SNX29: variants seen among roughly 807,000 people sequenced by gnomAD.
SNX29 encodes sorting nexin-29.
SNX29 carries 78 observed loss-of-function variants against 102.1 expected under a neutral mutation model. The observed-to-expected ratio is 0.76, with a 90% CI of 0.64 to 0.92. The LOEUF is 0.92. SNX29 is among the 40% of genes least tolerant of loss of function. The probability of loss-of-function intolerance (pLI) is 0.00; values close to 1 mark genes in which losing one functional copy is unlikely to be tolerated. For missense variants in SNX29, 1,280 were observed against 1,061.7 expected, an observed-to-expected ratio of 1.21 and a Z score of -2.86; for synonymous variants, 580 against 414.5, an observed-to-expected ratio of 1.40 and a Z score of -4.85.
At chr16:12,469,208 G>A (rs1384121174) in intron 18 of SNX29, among the ~76,000 whole-genome samples, 1 of 152,160 alleles carries the variant, frequency 6.6e-6, no homozygotes, top group African/African-American at 2.4e-5. Flanking sequence ...ATAACCCAGT[G>A]AACTGAAAAG....
At chr16:12,344,676 G>C (rs1041134481) in intron 15 of SNX29, among the ~76,000 whole-genome samples, 4 of 152,238 alleles carry the variant, frequency 2.6e-5, no homozygotes, top group Non-Finnish European at 4.4e-5. Flanking sequence ...TACATGCTCA[G>C]TAAATGTTTG....
chr16:12,538,756 A>G (rs1048504112), intron 20 of SNX29, among the ~76,000 whole-genome samples: 1 of 152,196 alleles, frequency 6.6e-6, no homozygotes, highest in African/African-American at 2.4e-5. Context: ...TATGGGTATC[A>G]TCCAAGCTGT....
At chr16:12,246,314 C>T (rs1445710973) in intron 14 of SNX29, among the ~76,000 whole-genome samples, 2 of 152,012 alleles carry the variant, frequency 1.3e-5, no homozygotes, top group Non-Finnish European at 2.9e-5. Context: ...GGATTAAAAA[C>T]AGTGCTAATG....
At chr16:12,117,675 G>T (rs528761193) in intron 11 of SNX29, among the ~76,000 whole-genome samples, 2 of 152,334 alleles carry the variant, frequency 1.3e-5, no homozygotes, top group East Asian at 3.9e-4. Context: ...TGGTAGAAAC[G>T]TTCTAGAACT....
intron 14 of SNX29, among the ~76,000 whole-genome samples, chr16:12,272,325 A>G (rs1407724316): frequency 3.9e-5 from 6 of 152,148 alleles, no homozygotes; most frequent in Non-Finnish European, 5.9e-5. Context: ...ATGAATTGTG[A>G]TGAGCAGGAC....
chr16:12,246,538 G>A (rs188053848), intron 14 of SNX29, among the ~76,000 whole-genome samples: 53 of 152,264 alleles, frequency 3.5e-4, no homozygotes, highest in African/African-American at 1.2e-3. Flanking sequence ...CTACTCAGGA[G>A]GCTGAGGCAG....
intron 18 of SNX29, among the ~76,000 whole-genome samples, chr16:12,409,610 T>A (rs575426074): frequency 6.6e-6 from 1 of 152,156 alleles, no homozygotes; most frequent in African/African-American, 2.4e-5. Flanking sequence ...TTTGTATTTT[T>A]AGTAGAGACG....
intron 15 of SNX29, among the ~76,000 whole-genome samples, chr16:12,355,284 C>T (rs544708323): frequency 5.9e-5 from 9 of 152,252 alleles, no homozygotes; most frequent in East Asian, 3.9e-4. Flanking sequence ...ACACATTTAG[C>T]GACCCCTGTT....
At chr16:12,539,971 T>C (rs527283508) in intron 20 of SNX29, among the ~76,000 whole-genome samples, 36 of 152,334 alleles carry the variant, frequency 2.4e-4, no homozygotes, top group African/African-American at 8.4e-4. Context: ...GAGTTGCACA[T>C]ATTTTCTTCT....
intron 20 of SNX29, among the ~76,000 whole-genome samples, chr16:12,537,984 CAAAAAA>C (rs33931845): frequency 2.0e-4 from 26 of 128,050 alleles, no homozygotes; most frequent in African/African-American, 3.9e-4. Context: ...AACTCCGTTT[CAAAAAA>C]AAAAAAAAAA....
chr16:12,144,486 C>G (rs530447126), intron 13 of SNX29, among the ~76,000 whole-genome samples: 1 of 152,144 alleles, frequency 6.6e-6, no homozygotes, highest in African/African-American at 2.4e-5. Flanking sequence ...CGCTCCACCC[C>G]CCATGGAGGG....
chr16:12,451,707 A>G (rs1356843099), intron 18 of SNX29, among the ~76,000 whole-genome samples: 1 of 152,222 alleles, frequency 6.6e-6, no homozygotes, highest in Non-Finnish European at 1.5e-5. Context: ...TACTAAAAAT[A>G]CAAAAAATTA....
At chr16:12,564,585 T>G (rs575879667) in intron 20 of SNX29, among the ~76,000 whole-genome samples, 1 of 152,300 alleles carries the variant, frequency 6.6e-6, no homozygotes, top group South Asian at 2.1e-4. Flanking sequence ...CAGACGCCCC[T>G]TTTTCTTGTT....
At position 11,982,711 on chromosome 16, in the gene SNX29, G is replaced by A. The variant is rs1272540815; in HGVS notation, c.7+5898G>A. ...CCCAAAGTGCTGGGATCACAGGCGT[G>A]AGCCACCGTGCCCGGTCTCCATCAG... is the stretch of plus-strand genomic sequence containing the variant. On this transcript the variant is annotated intron_variant, in intron 1 of 20. Transcript: ENST00000566228. Among the ~76,000 whole-genome samples, 8 of 152,058 alleles carry A rather than the reference G, an allele frequency of 5.3e-5. No homozygotes were observed. In the South Asian group the frequency reaches 1.5e-3, roughly 28 times the overall value.
intron 20 of SNX29, among the ~76,000 whole-genome samples, chr16:12,539,477 A>G (rs1463940350): frequency 6.6e-6 from 1 of 152,244 alleles, no homozygotes; most frequent in Non-Finnish European, 1.5e-5. Flanking sequence ...ACCACGGTTT[A>G]TCTAGTCATA....
chr16:12,399,747 G>A (rs1567523860), intron 17 of SNX29, among the ~76,000 whole-genome samples: 1 of 152,162 alleles, frequency 6.6e-6, no homozygotes, highest in African/African-American at 2.4e-5. Context: ...GGCGGTGGCT[G>A]TTAGGCTGAT....
chr16:12,561,434 C>A (rs1158547021), intron 20 of SNX29, among the ~76,000 whole-genome samples: 1 of 152,120 alleles, frequency 6.6e-6, no homozygotes, highest in Non-Finnish European at 1.5e-5. Flanking sequence ...TTGCAGGGAT[C>A]CAGCCCTCTA....
At chr16:12,492,239 G>C (rs528412851) in intron 19 of SNX29, among the ~76,000 whole-genome samples, 49 of 152,292 alleles carry the variant, frequency 3.2e-4, no homozygotes, top group African/African-American at 1.2e-3. Context: ...GTGTGAGATG[G>C]TATCTCATTG....
intron 20 of SNX29, among the ~76,000 whole-genome samples, chr16:12,564,367 A>G (rs9929137): frequency 0.24 from 36,898 of 152,096 alleles, 4,791 homozygotes; most frequent in East Asian, 0.44. Context: ...AGCCAAATCT[A>G]TTTCTAATCA....
Sources: allele counts gnomAD v4.1 joint callset (sites outside exome capture counted in the v4.1 genomes callset), GRCh38; gene constraint gnomAD v4.1.1; transcripts MANE v1.5; gene names NCBI Gene and HGNC (gene_info 2026-07-23, HGNC 2026-07-21).